The following MEGF11 variants were observed in gnomAD, a reference collection of about 807,000 sequenced individuals.
MEGF11 encodes multiple epidermal growth factor-like domains protein 11.
Under a neutral mutation model 146.6 loss-of-function variants are expected in MEGF11, and 126 were observed. The ratio of observed to expected loss-of-function variants is 0.86; its 90% CI spans 0.74 to 1.00. The LOEUF (loss-of-function observed/expected upper bound fraction) is 1.00. Among genes scored for constraint, MEGF11 ranks in the 50% least tolerant of loss-of-function variants. The pLI is 0.00. For missense variants in MEGF11, 1,509 were observed against 1,521.2 expected (o/e 0.99, Z 0.13); for synonymous variants, 532 against 583.4 (o/e 0.91, Z 1.27).
intron 5 of MEGF11, among the ~76,000 whole-genome samples, chr15:66,090,868 G>C (rs954332949): frequency 6.6e-6 from 1 of 152,158 alleles, no homozygotes; most frequent in Non-Finnish European, 1.5e-5. Context: ...TCATATATTT[G>C]ATCTAAATAA....
intron 1 of MEGF11, among the ~76,000 whole-genome samples, chr15:66,194,683 G>C (rs1370311525): frequency 6.6e-6 from 1 of 151,332 alleles, no homozygotes; most frequent in Non-Finnish European, 1.5e-5. Flanking sequence ...GGAGGGGGAG[G>C]GGGAGGGATA....
At chr15:66,080,921 G>A (rs1402680124) in intron 5 of MEGF11, among the ~76,000 whole-genome samples, 2 of 152,202 alleles carry the variant, frequency 1.3e-5, no homozygotes, top group South Asian at 2.1e-4. Context: ...AGAGCTGCAC[G>A]CGAGGAACAG....
intron 5 of MEGF11, among the ~76,000 whole-genome samples, chr15:66,086,718 T>C (rs1279291612): frequency 6.6e-6 from 1 of 152,194 alleles, no homozygotes; most frequent in Non-Finnish European, 1.5e-5. Context: ...CTTTAAAGTA[T>C]AAATCACACA....
chr15:66,056,067 G>A (rs936468773), intron 5 of MEGF11, among the ~76,000 whole-genome samples: 1 of 152,176 alleles, frequency 6.6e-6, no homozygotes, highest in South Asian at 2.1e-4. Flanking sequence ...GAAATGCAGA[G>A]TGTCAGGCTC....
At chr15:65,949,213 A>G (rs1312993529) in intron 10 of MEGF11, among the ~76,000 whole-genome samples, 1 of 152,214 alleles carries the variant, frequency 6.6e-6, no homozygotes, top group East Asian at 1.9e-4. Flanking sequence ...CACTCTGCCC[A>G]GCTGGGGGAG....
intron 5 of MEGF11, among the ~76,000 whole-genome samples, chr15:65,987,215 G>A (rs1034387721): frequency 1.3e-5 from 2 of 152,218 alleles, no homozygotes; most frequent in African/African-American, 4.8e-5. Context: ...AGATAAAGGT[G>A]CAAAGTGAAT....
chr15:66,013,226 G>A (rs944160395), intron 5 of MEGF11, among the ~76,000 whole-genome samples: 1 of 152,158 alleles, frequency 6.6e-6, no homozygotes, highest in African/African-American at 2.4e-5. Context: ...GGCCTCCATC[G>A]TCAGTCAGGG....
At chr15:66,093,067 G>A (rs2086384884) in intron 5 of MEGF11, among the ~76,000 whole-genome samples, 2 of 152,196 alleles carry the variant, frequency 1.3e-5, no homozygotes, top group South Asian at 2.1e-4. Flanking sequence ...GTCTGGCCCT[G>A]TTTCCCAGTC....
intron 1 of MEGF11, among the ~76,000 whole-genome samples, chr15:66,235,329 T>A (rs1238617158): frequency 6.6e-6 from 1 of 151,876 alleles, no homozygotes. Context: ...TAGGGAGACC[T>A]CATCTCTATA....
chr15:65,993,547 C>A (rs1270169305), intron 5 of MEGF11, among the ~76,000 whole-genome samples: 2 of 152,208 alleles, frequency 1.3e-5, no homozygotes, highest in Non-Finnish European at 2.9e-5. Flanking sequence ...TCAAAGGCAG[C>A]TGGCAGAGAC....
At chr15:65,965,613 CTTTT>C (rs1186551497) in intron 8 of MEGF11, among the ~76,000 whole-genome samples, 1 of 53,522 alleles carries the variant, frequency 1.9e-5, no homozygotes, top group Non-Finnish European at 3.2e-5. Context: ...TTTTTTTTTT[CTTTT>C]TTTTTTTTTT....
intron 9 of MEGF11, among the ~76,000 whole-genome samples, chr15:65,960,154 T>G (rs1352332141): frequency 6.6e-6 from 1 of 152,222 alleles, no homozygotes; most frequent in Non-Finnish European, 1.5e-5. Flanking sequence ...GAAAACGATA[T>G]AGACATCGAC....
chr15:65,943,201 C>T (rs1248631230), intron 10 of MEGF11, among the ~76,000 whole-genome samples: 1 of 152,078 alleles, frequency 6.6e-6, no homozygotes, highest in African/African-American at 2.4e-5. Flanking sequence ...TGATCTCAAA[C>T]TCTTGATCTC....
rs945531810 is a variant in MEGF11, at chr15:66,047,083, A to G, written c.394+47319T>C. On this transcript the variant is annotated intron_variant, in intron 5 of 25. Transcript: ENST00000395614. Reference sequence around the variant, plus strand: ...AAAAGCTGGGTCGAAAGGGAGCCACATCAGGTGTTGTGCTGACCTCTGCCT... The same window carrying G: ...AAAAGCTGGGTCGAAAGGGAGCCACGTCAGGTGTTGTGCTGACCTCTGCCT... Among the ~76,000 whole-genome samples the G allele has an allele frequency of 7.2e-5, 11 of 152,382 alleles. No individual in the cohort carries two copies. In the East Asian group the frequency reaches 1.9e-3, roughly 27 times the overall value.
intron 5 of MEGF11, among the ~76,000 whole-genome samples, chr15:66,063,959 A>G (rs911251188): frequency 6.6e-6 from 1 of 152,354 alleles, no homozygotes; most frequent in Non-Finnish European, 1.5e-5. Flanking sequence ...AAGGTTGCAC[A>G]GAAACTGTCA....
chr15:66,101,956 C>T (rs371155590), intron 4 of MEGF11, among the ~76,000 whole-genome samples: 8 of 152,176 alleles, frequency 5.3e-5, no homozygotes, highest in African/African-American at 1.4e-4. Flanking sequence ...TCCCTTGCAA[C>T]GCTACTAATC....
In MEGF11 at chr15:66,083,936, T is replaced by A. The variant is rs531094552; in HGVS notation, c.394+10466A>T. Reference sequence around the variant, plus strand: ...ATCTCTAAAAAATTAAAATAATTTTTAAAAATGACACTATCAACAGAGTAA... The same window carrying A: ...ATCTCTAAAAAATTAAAATAATTTTAAAAAATGACACTATCAACAGAGTAA... On this transcript the variant is annotated intron_variant, in intron 5 of 25. Transcript: ENST00000395614. Among the ~76,000 whole-genome samples, 22 of 152,254 alleles carry A rather than the reference T, an allele frequency of 1.4e-4. No homozygotes were observed. The South Asian group carries it at 2.3e-3, about 16-fold the overall frequency.
At chr15:66,159,876 C>T (rs1160754609) in intron 1 of MEGF11, among the ~76,000 whole-genome samples, 1 of 152,044 alleles carries the variant, frequency 6.6e-6, no homozygotes, top group Admixed American at 6.5e-5. Flanking sequence ...GCAGCGGTCA[C>T]CACAACCCAC....
intron 1 of MEGF11, among the ~76,000 whole-genome samples, chr15:66,157,481 C>A (rs2089802076): frequency 6.6e-6 from 1 of 152,326 alleles, no homozygotes; most frequent in East Asian, 1.9e-4. Flanking sequence ...GGAATCAAAT[C>A]TGGGGGTGGA....
Sources: gnomAD v4.1 joint callset for allele counts (sites outside exome capture counted in the v4.1 genomes callset) on GRCh38, gnomAD v4.1.1 for gene constraint, MANE v1.5 for transcripts, NCBI Gene and HGNC (gene_info 2026-07-23, HGNC 2026-07-21) for gene names.